RNGTT: variants seen among roughly 807,000 people sequenced by gnomAD.
RNGTT encodes mRNA-capping enzyme.
In RNGTT, 33 loss-of-function variants were observed where a neutral mutation model predicts 79.3. The observed-to-expected ratio is 0.42, with a 90% confidence interval of 0.32 to 0.56. RNGTT has a LOEUF of 0.56. Among genes scored for constraint, RNGTT ranks in the 20% least tolerant of loss-of-function variants. RNGTT has a pLI of 0.17. For missense variants in RNGTT, 497 were observed against 739.1 expected (o/e 0.67, Z 3.80); for synonymous variants, 222 against 235.9 (o/e 0.94, Z 0.54).
At chr6:88,940,073 T>A (rs942092532) in intron 2 of RNGTT, among the ~76,000 whole-genome samples, 1 of 149,738 alleles carries the variant, frequency 6.7e-6, no homozygotes, top group African/African-American at 2.5e-5. Flanking sequence ...TTTCTTTTTT[T>A]TTTTTCTTTT....
chr6:88,928,230 A>T (rs1006159174), intron 4 of RNGTT, among the ~76,000 whole-genome samples: 3 of 151,472 alleles, frequency 2.0e-5, no homozygotes, highest in African/African-American at 2.4e-5. Context: ...ATTTTTCATT[A>T]AAAAAAAATT....
intron 2 of RNGTT, among the ~76,000 whole-genome samples, chr6:88,933,691 A>T (rs976457410): frequency 6.6e-6 from 1 of 152,156 alleles, no homozygotes; most frequent in African/African-American, 2.4e-5. Flanking sequence ...TGTCTGGCTT[A>T]TTTTGGTTAA....
intron 2 of RNGTT, among the ~76,000 whole-genome samples, chr6:88,939,022 C>A (rs1784759434): frequency 6.6e-6 from 1 of 151,696 alleles, no homozygotes; most frequent in African/African-American, 2.4e-5. Context: ...AATGACTAGA[C>A]ACTCTTAATG....
At chr6:88,928,837 C>T (rs1391909641) in intron 4 of RNGTT, 148 bp downstream of exon 4, 3 of 568,698 alleles carry the variant, frequency 5.3e-6, no homozygotes, top group Admixed American at 6.9e-5. Flanking sequence ...TTACATAATT[C>T]ACAAGTCAAT....
chr6:88,901,697 C>CG (rs1486872112), intron 6 of RNGTT, among the ~76,000 whole-genome samples: 1 of 151,650 alleles, frequency 6.6e-6, no homozygotes, highest in African/African-American at 2.4e-5. Flanking sequence ...TTAGTAGAGA[C>CG]GGGGTTTCAC....
chr6:88,929,094 T>C, intron 3 of RNGTT, 21 bp from the exon 4 acceptor site: 1 of 1,598,188 alleles, frequency 6.3e-7, no homozygotes, highest in Non-Finnish European at 8.5e-7. Flanking sequence ...AGAAAAAGTT[T>C]TTTTGAAAAA....
At chr6:88,649,135 T>C (rs1443498004) in intron 14 of RNGTT, among the ~76,000 whole-genome samples, 4 of 152,208 alleles carry the variant, frequency 2.6e-5, no homozygotes, top group African/African-American at 9.6e-5. Context: ...CTATCATCGA[T>C]GTTAAGTGAG....
At chr6:88,834,113 A>T (rs899224079) in intron 11 of RNGTT, among the ~76,000 whole-genome samples, 5 of 152,226 alleles carry the variant, frequency 3.3e-5, no homozygotes, top group Non-Finnish European at 7.3e-5. Context: ...TTATAAAAAA[A>T]ATTAGCTCTC....
chr6:88,703,997 C>T (rs766061522), intron 13 of RNGTT, among the ~76,000 whole-genome samples: 10 of 152,180 alleles, frequency 6.6e-5, no homozygotes, highest in Non-Finnish European at 1.0e-4. Context: ...CGGTGGCTCA[C>T]GCCTGTAATC....
At chr6:88,822,773 G>A (rs1780535662) in intron 11 of RNGTT, among the ~76,000 whole-genome samples, 1 of 152,120 alleles carries the variant, frequency 6.6e-6, no homozygotes, top group South Asian at 2.1e-4. Flanking sequence ...TTAAAAACAG[G>A]TGATCAACCA....
intron 13 of RNGTT, among the ~76,000 whole-genome samples, chr6:88,691,971 A>G (rs1775498587): frequency 6.6e-6 from 1 of 152,194 alleles, no homozygotes; most frequent in South Asian, 2.1e-4. Context: ...AACATAATAT[A>G]GAAACAAAAA....
chr6:88,876,304 A>C (rs1392913134), intron 8 of RNGTT, among the ~76,000 whole-genome samples: 1 of 152,208 alleles, frequency 6.6e-6, no homozygotes, highest in East Asian at 1.9e-4. Context: ...CAAGGCAGGC[A>C]GATCACTTTA....
chr6:88,772,929 A>T (rs1778740301), intron 12 of RNGTT, among the ~76,000 whole-genome samples: 1 of 152,058 alleles, frequency 6.6e-6, no homozygotes, highest in South Asian at 2.1e-4. Context: ...TCAGGGATCT[A>T]GAACTAGAAA....
Position 88,927,869 on chromosome 6 carries a change from A to T in RNGTT, c.367+1116T>A, listed in dbSNP as rs981589523. ...AAAAAGAAAGAAAAGGAAACTTTAC[A>T]TTGCATCCTCAATTTAAACCATATA... is the stretch of plus-strand genomic sequence containing the variant. On this transcript the variant is annotated intron_variant, in intron 4 of 15. Transcript: ENST00000369485. 2.0e-5 allele frequency among the ~76,000 whole-genome samples: 3 copies of T among 151,590 alleles called. No homozygotes were observed. The South Asian group carries it at 6.2e-4, about 31-fold the overall frequency.
At chr6:88,813,986 A>G (rs963428265) in intron 11 of RNGTT, among the ~76,000 whole-genome samples, 4 of 152,212 alleles carry the variant, frequency 2.6e-5, no homozygotes, top group Non-Finnish European at 5.9e-5. Flanking sequence ...AAAATGAATA[A>G]CACAGTGCAA....
intron 14 of RNGTT, among the ~76,000 whole-genome samples, chr6:88,654,867 GAAAC>G (rs1041099409): frequency 2.6e-5 from 4 of 152,090 alleles, no homozygotes; most frequent in African/African-American, 9.7e-5. Context: ...AAAAGAAAAA[GAAAC>G]AAAACAAAAT....
intron 14 of RNGTT, among the ~76,000 whole-genome samples, chr6:88,676,024 C>T (rs991894603): frequency 3.9e-5 from 6 of 152,016 alleles, no homozygotes; most frequent in East Asian, 1.9e-4. Flanking sequence ...AATCACAATC[C>T]GAACAGGCAT....
At chr6:88,665,903 A>G (rs1051166659) in intron 14 of RNGTT, among the ~76,000 whole-genome samples, 2 of 152,254 alleles carry the variant, frequency 1.3e-5, no homozygotes, top group South Asian at 2.1e-4. Flanking sequence ...AAGGTGTCCA[A>G]GAAGAAAGCT....
intron 8 of RNGTT, among the ~76,000 whole-genome samples, chr6:88,874,045 G>C (rs570404848): frequency 6.6e-6 from 1 of 152,186 alleles, no homozygotes; most frequent in East Asian, 1.9e-4. Flanking sequence ...GCCTCTCTTG[G>C]TTATTTTAAT....
Sources: allele counts gnomAD v4.1 joint callset (sites outside exome capture counted in the v4.1 genomes callset), GRCh38; gene constraint gnomAD v4.1.1; transcripts MANE v1.5; gene names NCBI Gene and HGNC (gene_info 2026-07-23, HGNC 2026-07-21).